The following PARP9 variants were observed in gnomAD, a reference collection of about 807,000 sequenced individuals.
PARP9 encodes the protein poly(ADP-ribose) polymerase family member 9, also known as protein mono-ADP-ribosyltransferase PARP9.
A neutral mutation model predicts 68.8 loss-of-function variants in PARP9; 48 were observed. That is an observed-to-expected ratio of 0.70 (90% CI 0.55 to 0.89). PARP9 has a LOEUF of 0.89. Among genes scored for constraint, PARP9 ranks in the 40% least tolerant of loss-of-function variants. PARP9 has a pLI of 0.00. For missense variants in PARP9, 806 were observed against 969.3 expected, an observed-to-expected ratio of 0.83 and a Z score of 2.24; for synonymous variants, 309 against 333.8, an observed-to-expected ratio of 0.93 and a Z score of 0.81.
intron 1 of PARP9, among the ~76,000 whole-genome samples, chr3:122,563,938 G>C (rs2080460461): frequency 6.6e-6 from 1 of 152,132 alleles, no homozygotes; most frequent in Admixed American, 6.5e-5. Context: ...CTAAAGGGTA[G>C]AGTTGGAGGG....
intron 1 of PARP9, among the ~76,000 whole-genome samples, chr3:122,562,492 C>T (rs1047954683): frequency 4.0e-4 from 61 of 152,198 alleles, no homozygotes; most frequent in African/African-American, 1.4e-3. Context: ...CGCGCCCAGC[C>T]ATCAATATAC....
chr3:122,539,509 T>TCCTTTCTC (rs2077948923), intron 8 of PARP9, among the ~76,000 whole-genome samples: 1 of 15,476 alleles, frequency 6.5e-5, no homozygotes, highest in African/African-American at 2.8e-4. Context: ...AAGATGGCAT[T>TCCTTTCTC]TCTTTCTTTC....
At chr3:122,550,515 C>A in intron 6 of PARP9, 69 bp downstream of exon 6, 2 of 1,282,346 alleles carry the variant, frequency 1.6e-6, no homozygotes, top group Non-Finnish European at 2.2e-6. Context: ...ATTGTAGATA[C>A]TAAACAGATG....
rs752288600 is a variant in PARP9 at position 122,564,115 on chromosome 3, T to C, written c.-90+130A>G. The C allele has an allele frequency of 1.9e-4, 70 of 373,496 alleles. 1 individual carries two copies. Among genetic ancestry groups the C allele is most frequent in the South Asian group, 4.4e-4 (8 of 18,056 alleles). The allele number at this position is 373,496 out of a possible 1,614,324, so 23.1% of individuals were successfully genotyped here. A position where few individuals can be genotyped will look rare whatever the true frequency, so the allele number is the denominator to read the frequency against. ...AGAAACACAGGAGAAACTTACTTTC[T>C]TTGCATAGTCTACTCACAAGGGAGG... is the stretch of plus-strand genomic sequence containing the variant. On this transcript the variant is annotated intron_variant, in intron 1 of 10. Transcript: ENST00000682323.
chr3:122,532,517 A>G, intron 10 of PARP9: 1 of 819,432 alleles, frequency 1.2e-6, no homozygotes, highest in Non-Finnish European at 1.5e-6. Flanking sequence ...AACTGTCAAG[A>G]TTCAAATTTT....
rs574869215 is a variant in PARP9, at chr3:122,559,481, T to G, written c.15+125A>C. 5.8e-6 allele frequency: 5 copies of G among 860,780 alleles called. No individual in the cohort carries two copies. The South Asian group carries it at 1.9e-4, about 32-fold the overall frequency. The allele number at this position is 860,780 out of a possible 1,614,324, so 53.3% of individuals were successfully genotyped here. On this transcript the variant is annotated intron_variant, in intron 2 of 10. Transcript: ENST00000682323. ...AGAAGGGAGAAAGGAGAAAACTTTA[T>G]TGAGCTATTAAAAGCAGATGAGGAT...
At chr3:122,537,262 T>C (rs1170101760) in intron 8 of PARP9, among the ~76,000 whole-genome samples, 189 bp from the exon 9 acceptor site, 4 of 152,108 alleles carry the variant, frequency 2.6e-5, no homozygotes, top group Non-Finnish European at 4.4e-5. Flanking sequence ...GGGTAATAAA[T>C]TTGTCTTTGG....
chr3:122,564,622 C>G (rs552729262), upstream of PARP9: 1 of 1,577,896 alleles, frequency 6.3e-7, no homozygotes, highest in East Asian at 2.4e-5. Context: ...AGGTGAGCTT[C>G]GGGCGGCCAG....
chr3:122,559,447 C>T (rs2079999670), intron 2 of PARP9, among the ~76,000 whole-genome samples, 159 bp downstream of exon 2: 1 of 152,204 alleles, frequency 6.6e-6, no homozygotes, highest in Admixed American at 6.5e-5. Context: ...CTTGATTCCC[C>T]ATTTCTCAAG....
rs1176503882 is a variant in PARP9, at chr3:122,555,745, A to C, written c.426T>G (p.Ala142=). The change falls in exon 4 of 11, where the codon GCT becomes GCG. Residue 142 remains alanine (A), a synonymous_variant. Transcript: ENST00000682323. ...QFVARYGKVS[A]GEIAVTGAGR... ...CTGCTCCCGTGACAGCTATCTCACC[A>C]GCTGACACTTTACCATATCTGGCAA... 6.2e-7 allele frequency: 1 copy of C among 1,613,892 alleles called. No homozygotes were observed.
At chr3:122,539,561 TTCTTTC>T (rs2078001477) in intron 8 of PARP9, among the ~76,000 whole-genome samples, 3 of 143,530 alleles carry the variant, frequency 2.1e-5, no homozygotes, top group African/African-American at 5.4e-5. Flanking sequence ...CTTTCTTTCT[TTCTTTC>T]TTTTTTTTTT....
At chr3:122,562,706 T>C (rs1171896421) in intron 1 of PARP9, among the ~76,000 whole-genome samples, 1 of 152,254 alleles carries the variant, frequency 6.6e-6, no homozygotes, top group African/African-American at 2.4e-5. Flanking sequence ...CACACACTTC[T>C]GCATCTTATT....
At chr3:122,555,209 C>T in intron 4 of PARP9, 77 bp downstream of exon 4, 1 of 1,351,468 alleles carries the variant, frequency 7.4e-7, no homozygotes, top group East Asian at 2.3e-5. Flanking sequence ...CATAGTGTTG[C>T]ATAGTGTACA....
intron 10 of PARP9, chr3:122,532,272 C>A: frequency 1.0e-6 from 1 of 985,288 alleles, no homozygotes; most frequent in East Asian, 1.1e-4. Flanking sequence ...ATGGAAAAGA[C>A]ATAGAGTGGC....
intron 2 of PARP9, 98 bp downstream of exon 2, chr3:122,559,508 T>G: frequency 8.1e-7 from 1 of 1,236,820 alleles, no homozygotes; most frequent in Non-Finnish European, 1.1e-6. Flanking sequence ...GATGAGGATG[T>G]CAACTGTTGG....
At chr3:122,545,194 C>A (rs753465150) in intron 7 of PARP9, among the ~76,000 whole-genome samples, 1 of 152,172 alleles carries the variant, frequency 6.6e-6, no homozygotes, top group Non-Finnish European at 1.5e-5. Flanking sequence ...GAATCAACCA[C>A]CCACATCTTG....
intron 7 of PARP9, among the ~76,000 whole-genome samples, chr3:122,542,257 C>CTTTTTTTT (rs1175844599): frequency 9.6e-6 from 1 of 104,044 alleles, no homozygotes; most frequent in Non-Finnish European, 1.9e-5. Context: ...TCTACTACTA[C>CTTTTTTTT]TTTTTTTTTT....
chr3:122,544,876 G>A (rs1269506585), intron 7 of PARP9, among the ~76,000 whole-genome samples: 2 of 152,052 alleles, frequency 1.3e-5, no homozygotes, highest in Non-Finnish European at 2.9e-5. Flanking sequence ...AATTGACTAG[G>A]GAGCATTCAA....
At chr3:122,532,492 A>C (rs1321297564) in intron 10 of PARP9, 1 of 907,130 alleles carries the variant, frequency 1.1e-6, no homozygotes, top group Non-Finnish European at 1.3e-6. Flanking sequence ...TCTGAAAATG[A>C]CTGAGTTCAC....
Sources: gnomAD v4.1 joint callset for allele counts (sites outside exome capture counted in the v4.1 genomes callset) on GRCh38, gnomAD v4.1.1 for gene constraint, MANE v1.5 for transcripts, NCBI Gene and HGNC (gene_info 2026-07-23, HGNC 2026-07-21) for gene names.